The following AOAH variants were observed in gnomAD, a reference collection of about 807,000 sequenced individuals.
AOAH encodes the protein acyloxyacyl hydrolase.
In AOAH, 64 loss-of-function variants were observed where a neutral mutation model predicts 92.2. That is an observed-to-expected ratio of 0.69 (90% CI 0.57 to 0.86). The LOEUF (loss-of-function observed/expected upper bound fraction) is 0.86, where lower values mean the gene tolerates loss of function less well. AOAH is among the 40% of genes least tolerant of loss of function. The probability of loss-of-function intolerance (pLI) is 0.00; values close to 1 mark genes in which losing one functional copy is unlikely to be tolerated. For missense variants in AOAH, 656 were observed against 694.6 expected, an observed-to-expected ratio of 0.94 and a Z score of 0.62; for synonymous variants, 263 against 254.5, an observed-to-expected ratio of 1.03 and a Z score of -0.32.
chr7:36,690,530 C>T (rs1797331850), intron 1 of AOAH, among the ~76,000 whole-genome samples: 1 of 152,228 alleles, frequency 6.6e-6, no homozygotes, highest in Non-Finnish European at 1.5e-5. Context: ...AGAGGTTTCG[C>T]TTCCTTGACA....
intron 13 of AOAH, among the ~76,000 whole-genome samples, chr7:36,560,948 C>T (rs1188420215): frequency 6.6e-6 from 1 of 152,086 alleles, no homozygotes; most frequent in Non-Finnish European, 1.5e-5. Flanking sequence ...ATGTGCCTGC[C>T]ATAAAGCAGG....
chr7:36,592,024 C>A (rs1789781059), intron 12 of AOAH, among the ~76,000 whole-genome samples: 1 of 151,906 alleles, frequency 6.6e-6, no homozygotes, highest in Non-Finnish European at 1.5e-5. Context: ...CTTCATGGGG[C>A]CAAAAGGTAG....
chr7:36,638,933 T>C lies in AOAH; in HGVS notation c.391-1023A>G, dbSNP rs1203449434. The stretch of plus-strand genomic sequence containing the variant: ...CCCTGAGAGTCCTCCACTCTTGCTC[T>C]GACCACCCAGCCTCTTCCTTGGACT... On this transcript the variant is annotated intron_variant, in intron 4 of 20. Transcript: ENST00000617537. 2.6e-5 allele frequency among the ~76,000 whole-genome samples: 4 copies of C among 152,188 alleles called. No homozygotes were observed. The South Asian group carries it at 8.3e-4, about 31-fold the overall frequency.
intron 3 of AOAH, among the ~76,000 whole-genome samples, chr7:36,671,888 G>T (rs11978395): frequency 0.53 from 80,640 of 151,884 alleles, 21,744 homozygotes; most frequent in East Asian, 0.64. Flanking sequence ...ACCAGTTCCT[G>T]ATGAGCCTTG....
At chr7:36,702,937 C>T (rs1798120463) in intron 1 of AOAH, among the ~76,000 whole-genome samples, 1 of 152,134 alleles carries the variant, frequency 6.6e-6, no homozygotes, top group South Asian at 2.1e-4. Context: ...CCTCTAAAAC[C>T]CTGCTGCTGC....
At chr7:36,518,132 C>G (rs10499591) in intron 20 of AOAH, among the ~76,000 whole-genome samples, 145,938 of 152,270 alleles carry the variant, frequency 0.96, 70,273 homozygotes, top group East Asian at 1. Context: ...TAGTCTTATC[C>G]TATATACTTT....
At chr7:36,596,883 G>A (rs939328011) in intron 11 of AOAH, among the ~76,000 whole-genome samples, 1 of 152,198 alleles carries the variant, frequency 6.6e-6, no homozygotes, top group Non-Finnish European at 1.5e-5. Flanking sequence ...AAAGGGCTAA[G>A]ACATGAACCC....
chr7:36,567,580 C>G (rs1787802618), intron 13 of AOAH, among the ~76,000 whole-genome samples: 1 of 152,198 alleles, frequency 6.6e-6, no homozygotes, highest in Admixed American at 6.5e-5. Flanking sequence ...CAGCTAAATT[C>G]ACACATTCTG....
chr7:36,659,308 A>C (rs1263169198), intron 3 of AOAH, 43 bp from the exon 4 acceptor site: 2 of 1,489,506 alleles, frequency 1.3e-6, no homozygotes, highest in Non-Finnish European at 1.9e-6. Context: ...CAGATCTCTT[A>C]GGCATTAGGA....
intron 2 of AOAH, among the ~76,000 whole-genome samples, chr7:36,677,932 T>A (rs1796355186): frequency 6.6e-6 from 1 of 152,154 alleles, no homozygotes; most frequent in African/African-American, 2.4e-5. Context: ...GATTAGTGGT[T>A]TCTTAGGGCT....
At chr7:36,531,217 T>TA (rs1223933760) in intron 18 of AOAH, among the ~76,000 whole-genome samples, 1 of 152,222 alleles carries the variant, frequency 6.6e-6, no homozygotes, top group African/African-American at 2.4e-5. Context: ...CATACACATA[T>TA]ACTAACTTTG....
At chr7:36,716,089 T>C (rs2117007639) in intron 1 of AOAH, among the ~76,000 whole-genome samples, 1 of 152,306 alleles carries the variant, frequency 6.6e-6, no homozygotes, top group South Asian at 2.1e-4. Context: ...GACAAAGGGC[T>C]AATATCCAGA....
intron 3 of AOAH, among the ~76,000 whole-genome samples, chr7:36,660,022 A>G (rs1795117904): frequency 6.6e-6 from 1 of 152,174 alleles, no homozygotes; most frequent in African/African-American, 2.4e-5. Flanking sequence ...CTTCTTCTGG[A>G]CAATAAGTCT....
intron 13 of AOAH, among the ~76,000 whole-genome samples, chr7:36,563,845 A>G (rs1268072677): frequency 3.3e-5 from 5 of 152,244 alleles, no homozygotes; most frequent in Non-Finnish European, 7.3e-5. Flanking sequence ...ATTTGCTTGC[A>G]ATAGGCAGAA....
chr7:36,524,264 A>G (rs1309202363), intron 19 of AOAH, among the ~76,000 whole-genome samples: 1 of 151,904 alleles, frequency 6.6e-6, no homozygotes, highest in Non-Finnish European at 1.5e-5. Context: ...TCCCTTTCAA[A>G]TTCCTGTGTT....
chr7:36,560,020 T>C (rs937242211), intron 13 of AOAH, among the ~76,000 whole-genome samples: 1 of 152,230 alleles, frequency 6.6e-6, no homozygotes, highest in African/African-American at 2.4e-5. Context: ...TTTTGTTGAC[T>C]TTGTTGATGG....
intron 8 of AOAH, among the ~76,000 whole-genome samples, chr7:36,621,465 TTC>T (rs1214232650): frequency 6.6e-6 from 1 of 152,222 alleles, no homozygotes; most frequent in African/African-American, 2.4e-5. Flanking sequence ...GGAGGCATAT[TTC>T]TGTTTTGTTT....
At chr7:36,640,499 C>T (rs947286414) in intron 4 of AOAH, among the ~76,000 whole-genome samples, 1 of 152,170 alleles carries the variant, frequency 6.6e-6, no homozygotes, top group Non-Finnish European at 1.5e-5. Context: ...GCCGGGGCAA[C>T]AGGGGCTTAG....
chr7:36,658,835 T>C (rs1795035888), intron 4 of AOAH, among the ~76,000 whole-genome samples: 1 of 152,170 alleles, frequency 6.6e-6, no homozygotes, highest in South Asian at 2.1e-4. Flanking sequence ...CTGGCATGAG[T>C]TGCTCACTCT....
Sources: gnomAD v4.1 joint callset for allele counts (sites outside exome capture counted in the v4.1 genomes callset) on GRCh38, gnomAD v4.1.1 for gene constraint, MANE v1.5 for transcripts, NCBI Gene and HGNC (gene_info 2026-07-23, HGNC 2026-07-21) for gene names.